MGST2: variants seen among roughly 807,000 people sequenced by gnomAD.
MGST2 encodes the protein glutathione peroxidase MGST2.
A neutral mutation model predicts 16.6 loss-of-function variants in MGST2; 9 were observed. That is an observed-to-expected ratio of 0.54 (90% confidence interval 0.33 to 0.95). MGST2 has a LOEUF of 0.95. MGST2 is among the 40% of genes least tolerant of loss of function. The pLI is 0.03. For missense variants in MGST2, 159 were observed against 175.1 expected, an observed-to-expected ratio of 0.91 and a Z score of 0.52; for synonymous variants, 79 against 68.0, an observed-to-expected ratio of 1.16 and a Z score of -0.79.
At chr4:139,678,956 A>G (rs1731103301) in intron 2 of MGST2, 2 of 431,840 alleles carry the variant, frequency 4.6e-6, no homozygotes, top group Admixed American at 7.9e-5. Context: ...TTGTGAGACC[A>G]CAATAGTCTG....
At chr4:139,727,453 G>A (rs1398734336) in intron 5 of MGST2, among the ~76,000 whole-genome samples, 1 of 152,162 alleles carries the variant, frequency 6.6e-6, no homozygotes, top group African/African-American at 2.4e-5. Flanking sequence ...GGCAGCCTGT[G>A]GGGGACTGAG....
intron 5 of MGST2, chr4:139,716,841 A>ACATTT (rs1423171617): frequency 1.4e-4 from 21 of 152,742 alleles, no homozygotes; most frequent in Middle Eastern, 3.4e-3. Context: ...AGCGTTCTGT[A>ACATTT]CATTTCTTAA....
intron 5 of MGST2, among the ~76,000 whole-genome samples, chr4:139,724,917 C>G (rs752937358): frequency 6.6e-6 from 1 of 151,994 alleles, no homozygotes; most frequent in Non-Finnish European, 1.5e-5. Context: ...CATCACCACT[C>G]CTGGCTAATT....
Position 139,665,939 on chromosome 4 carries a change from C to A in MGST2, c.-81C>A. 1 of 1,421,654 alleles carries A rather than the reference C, an allele frequency of 7.0e-7. No individual in the cohort carries two copies. The highest frequency in any genetic ancestry group is 9.9e-7 in the Non-Finnish European group (1 of 1,009,468). The allele number at this position is 1,421,654 out of a possible 1,614,324, so 88.1% of individuals were successfully genotyped here. On this transcript the variant is annotated 5_prime_UTR_variant, in exon 1 of 5. Coordinates refer to ENST00000265498, the MANE Select transcript of MGST2 (RefSeq NM_002413.5). Reference sequence around the variant, plus strand: ...CCCACCCGGTCCCCAACTTTGTTTACCCGATAAGGAAGGTCAGCATTCAAA... The same window carrying A: ...CCCACCCGGTCCCCAACTTTGTTTAACCGATAAGGAAGGTCAGCATTCAAA...
At chr4:139,719,930 C>G (rs1421434247) in intron 5 of MGST2, 1 of 1,613,946 alleles carries the variant, frequency 6.2e-7, no homozygotes, top group African/African-American at 1.3e-5. Flanking sequence ...CAAGGCCTGG[C>G]CTACTGGCCC....
At chr4:139,670,818 G>T (rs563037152) in intron 1 of MGST2, among the ~76,000 whole-genome samples, 1 of 151,710 alleles carries the variant, frequency 6.6e-6, no homozygotes, top group Non-Finnish European at 1.5e-5. Flanking sequence ...GGAGGCTGAG[G>T]TGTGAGAATT....
chr4:139,675,508 A>G (rs536512846), intron 1 of MGST2, among the ~76,000 whole-genome samples: 1 of 152,350 alleles, frequency 6.6e-6, no homozygotes, highest in East Asian at 1.9e-4. Flanking sequence ...CTGTTTTATA[A>G]CAGGGAAACG....
chr4:139,736,995 A>G (rs994572961), intron 5 of MGST2, among the ~76,000 whole-genome samples: 4 of 152,220 alleles, frequency 2.6e-5, no homozygotes, highest in Non-Finnish European at 4.4e-5. Flanking sequence ...GAATTCTGAA[A>G]GGAGCCCATG....
chr4:139,678,219 A>G (rs1731060363), intron 1 of MGST2, among the ~76,000 whole-genome samples: 1 of 152,202 alleles, frequency 6.6e-6, no homozygotes, highest in Non-Finnish European at 1.5e-5. Context: ...CCCCTACAGT[A>G]TGGACATACA....
chr4:139,691,484 C>T (rs1347598163), intron 2 of MGST2, among the ~76,000 whole-genome samples: 1 of 152,032 alleles, frequency 6.6e-6, no homozygotes, highest in Non-Finnish European at 1.5e-5. Flanking sequence ...ACCATCCAGG[C>T]CTGGAGGGAC....
chr4:139,717,696 C>CGACT (rs2110945820), intron 5 of MGST2: 1 of 152,390 alleles, frequency 6.6e-6, no homozygotes, highest in African/African-American at 2.4e-5. Context: ...CCACAGGCTC[C>CGACT]GACTCTTCCG....
At chr4:139,754,014 T>C in the MGST2 span, among the ~76,000 whole-genome samples, 1 of 152,274 alleles carries the variant, frequency 6.6e-6, no homozygotes, top group Non-Finnish European at 1.5e-5. Flanking sequence ...GAATTAATAC[T>C]ACCTACTATG....
chr4:139,746,574 GGGCT>G, the MGST2 span, among the ~76,000 whole-genome samples: 1 of 152,070 alleles, frequency 6.6e-6, no homozygotes, highest in Non-Finnish European at 1.5e-5. Flanking sequence ...TCCCAGGGAG[GGGCT>G]GCAAATCTCC....
At chr4:139,711,933 G>A (rs1248239859) in intron 5 of MGST2, among the ~76,000 whole-genome samples, 3 of 152,180 alleles carry the variant, frequency 2.0e-5, no homozygotes, top group Admixed American at 6.5e-5. Flanking sequence ...TGCATTCAGG[G>A]TATAGAGGAG....
chr4:139,687,260 T>A (rs533014959), intron 2 of MGST2, among the ~76,000 whole-genome samples: 42 of 152,166 alleles, frequency 2.8e-4, no homozygotes, highest in African/African-American at 1.0e-3. Context: ...CACTGAAGAG[T>A]GAATGGGGAT....
chr4:139,721,298 A>G (rs1203906788), intron 5 of MGST2, among the ~76,000 whole-genome samples: 5 of 152,210 alleles, frequency 3.3e-5, no homozygotes, highest in Admixed American at 3.3e-4. Flanking sequence ...AGGGAATGGA[A>G]ATGTCGCCAG....
chr4:139,735,940 G>A lies in MGST2; in HGVS notation c.*49-4272G>A, dbSNP rs1162805005. Reference sequence around the variant, plus strand: ...GCCGCTCGGGAGCCCGCGAGGCTGCGGTGTGCTCCAGCGGGCGCATTTCCC... The same window carrying A: ...GCCGCTCGGGAGCCCGCGAGGCTGCAGTGTGCTCCAGCGGGCGCATTTCCC... On this transcript the variant is annotated intron_variant, in intron 5 of 5. Coordinates refer to the MGST2 transcript ENST00000616265. The surrounding 1 kb of genome is among the most constrained non-coding windows in gnomAD (Gnocchi z 5.8). Among the ~76,000 whole-genome samples the A allele has an allele frequency of 3.3e-5, 5 of 152,132 alleles. No individual in the cohort carries two copies. Among genetic ancestry groups the A allele is most frequent in the Non-Finnish European group, 5.9e-5 (4 of 68,008 alleles).
intron 2 of MGST2, among the ~76,000 whole-genome samples, chr4:139,690,540 C>T (rs1438102585): frequency 6.6e-6 from 1 of 152,140 alleles, no homozygotes; most frequent in African/African-American, 2.4e-5. Flanking sequence ...CCAGATTCTC[C>T]ATGGTTTAAC....
At chr4:139,702,452 T>A (rs1727299565) in intron 3 of MGST2, among the ~76,000 whole-genome samples, 1 of 152,216 alleles carries the variant, frequency 6.6e-6, no homozygotes, top group African/African-American at 2.4e-5. Context: ...TGTATAATGC[T>A]TCATTCACTC....
Sources: allele counts gnomAD v4.1 joint callset (sites outside exome capture counted in the v4.1 genomes callset), GRCh38; gene constraint gnomAD v4.1.1; non-coding constraint Gnocchi (gnomAD v3.1); transcripts MANE v1.5; gene names NCBI Gene and HGNC (gene_info 2026-07-23, HGNC 2026-07-21).